Variants in ACOT9 observed in about 807,000 individuals in gnomAD.
ACOT9 encodes acyl-CoA thioesterase 9, also known as acyl-coenzyme A thioesterase 9, mitochondrial.
ACOT9 carries 34 observed loss-of-function variants against 39.7 expected under a neutral mutation model. The observed-to-expected ratio is 0.86, with a 90% CI of 0.65 to 1.14. The LOEUF is 1.14. Among genes scored for constraint, ACOT9 ranks in the 50% most tolerant of loss-of-function variants. The pLI, the probability that ACOT9 is intolerant of heterozygous loss-of-function variation, is 0.00. For synonymous variants in ACOT9, 110 were observed against 120.5 expected (o/e 0.91, Z 0.57); for missense variants, 313 against 344.1 (o/e 0.91, Z 0.71).
chrX:23,725,225 C>G (rs1929467094), intron 6 of ACOT9, among the ~76,000 whole-genome samples: 1 of 110,514 alleles, frequency 9.0e-6, no homozygotes, highest in African/African-American at 3.3e-5. Flanking sequence ...AATCCCAGCA[C>G]TTTGGGAGGC....
At chrX:23,722,959 T>G (rs375804082) in intron 6 of ACOT9, among the ~76,000 whole-genome samples, 18 of 111,232 alleles carry the variant, frequency 1.6e-4, no homozygotes, top group Non-Finnish European at 2.8e-4. Context: ...CCCCCTCAAT[T>G]TTAAGATTTG....
chrX:23,716,580 A>G (rs1252447187), intron 8 of ACOT9, among the ~76,000 whole-genome samples: 5 of 112,265 alleles, frequency 4.5e-5, no homozygotes, highest in Non-Finnish European at 9.4e-5. Context: ...CTTGAAGGCC[A>G]GTGGTGAGCA....
chrX:23,716,212 G>C, intron 8 of ACOT9, among the ~76,000 whole-genome samples: 1 of 111,999 alleles, frequency 8.9e-6, no homozygotes, highest in East Asian at 2.8e-4. Flanking sequence ...TACAGAGCCA[G>C]AGCACGAGAA....
At chrX:23,716,747 C>T (rs1276652376) in intron 8 of ACOT9, among the ~76,000 whole-genome samples, 2 of 111,347 alleles carry the variant, frequency 1.8e-5, no homozygotes, top group East Asian at 2.8e-4. Context: ...AGTACAGTGG[C>T]GCAATCTCGG....
chrX:23,710,620 G>A (rs747201812), intron 9 of ACOT9, among the ~76,000 whole-genome samples: 4 of 111,839 alleles, frequency 3.6e-5, no homozygotes, highest in East Asian at 5.6e-4. Context: ...TTGGGAGGCC[G>A]AGGTGAGAGG....
At chrX:23,705,743 C>T (rs779480168) in intron 12 of ACOT9, 25 bp downstream of exon 12, 7 of 1,176,931 alleles carry the variant, frequency 5.9e-6, no homozygotes, top group Non-Finnish European at 8.1e-6. Context: ...CTATCCTATT[C>T]GGATTTCTCA....
chrX:23,702,749 T>C lies in ACOT9; in HGVS notation c.*1145A>G, dbSNP rs1340009466. 2 of 111,708 alleles carry C rather than the reference T, an allele frequency of 1.8e-5. No homozygotes were observed. Among genetic ancestry groups the C allele is most frequent in the African/African-American group, 6.5e-5 (2 of 30,773 alleles). 9.2% of individuals were successfully genotyped at this position (111,708 alleles called of 1,213,427 possible). A position where few individuals can be genotyped will look rare whatever the true frequency, so the allele number is the denominator to read the frequency against. On this transcript the variant is annotated 3_prime_UTR_variant, in exon 16 of 16. Transcript: ENST00000379303. ...CCTCCAGGAAGTTACTTAAACTCTCTGTGCTTCAGTTTCCCGAGTGGCCTA... is the reference window on the plus strand; with the variant it reads ...CCTCCAGGAAGTTACTTAAACTCTCCGTGCTTCAGTTTCCCGAGTGGCCTA...
intron 9 of ACOT9, among the ~76,000 whole-genome samples, chrX:23,708,932 G>A (rs1321738769): frequency 8.9e-6 from 1 of 112,049 alleles, no homozygotes; most frequent in Non-Finnish European, 1.9e-5. Context: ...GAGGGTAAGA[G>A]AATTACGCAA....
chrX:23,739,168 G>A lies in ACOT9; in HGVS notation c.21-3152C>T, dbSNP rs376870282. Among the ~76,000 whole-genome samples, 32 of 111,159 alleles carry A rather than the reference G, an allele frequency of 2.9e-4. No homozygotes were observed. The East Asian group carries it at 7.4e-3, about 26-fold the overall frequency. On this transcript the variant is annotated intron_variant, in intron 1 of 15. Transcript: ENST00000379303. ...AGCTACTCGGGAGTCTGAGGCAGGA[G>A]TATTGCTTCAACCCAGGAGGCGGAA... is the stretch of plus-strand genomic sequence containing the variant.
intron 1 of ACOT9, among the ~76,000 whole-genome samples, chrX:23,738,014 G>A (rs900571382): frequency 1.9e-5 from 2 of 106,148 alleles, no homozygotes; most frequent in African/African-American, 3.5e-5. Flanking sequence ...GACTACAGGC[G>A]CCGCCACCGC....
At chrX:23,716,379 C>T (rs1417982366) in intron 8 of ACOT9, among the ~76,000 whole-genome samples, 1 of 112,154 alleles carries the variant, frequency 8.9e-6, no homozygotes, top group Non-Finnish European at 1.9e-5. Context: ...TCAATACTTA[C>T]AGGTTGAACA....
chrX:23,719,993 C>T (rs943121784), intron 8 of ACOT9, among the ~76,000 whole-genome samples: 1 of 103,641 alleles, frequency 9.6e-6, no homozygotes, highest in Non-Finnish European at 2.1e-5. Flanking sequence ...CGCCACCACG[C>T]CCGGCTAATT....
chrX:23,704,604 G>A (rs1379301801), intron 15 of ACOT9, 90 bp downstream of exon 15: 1 of 981,764 alleles, frequency 1.0e-6, no homozygotes, highest in Non-Finnish European at 1.4e-6. Flanking sequence ...TGTGCTGACA[G>A]GCATCAATAC....
chrX:23,734,080 G>A (rs1244767333), intron 3 of ACOT9, among the ~76,000 whole-genome samples: 1 of 111,842 alleles, frequency 8.9e-6, no homozygotes, highest in Admixed American at 9.6e-5. Context: ...CTTCTTATAC[G>A]CAGTAATAGA....
intron 8 of ACOT9, among the ~76,000 whole-genome samples, chrX:23,717,241 C>T (rs749314201): frequency 1.2e-4 from 13 of 110,741 alleles, no homozygotes; most frequent in East Asian, 2.8e-4. Flanking sequence ...CCACCTGCCT[C>T]GGCCTCCCAA....
At chrX:23,716,699 T>C (rs1313178888) in intron 8 of ACOT9, among the ~76,000 whole-genome samples, 2 of 111,493 alleles carry the variant, frequency 1.8e-5, no homozygotes, top group African/African-American at 6.5e-5. Flanking sequence ...GTTTTGTTTT[T>C]TGTTTGAGAT....
rs745841905 is a variant in ACOT9 at position 23,705,808 on chromosome X, T to C, written c.893A>G (p.Glu298Gly). 42 of 1,210,080 alleles carry C rather than the reference T, an allele frequency of 3.5e-5. No homozygotes were observed. The highest frequency in any genetic ancestry group is 4.5e-5 in the Non-Finnish European group (40 of 894,844). The stretch of plus-strand genomic sequence containing the variant: ...TTCCAAACTCTTCAGTTTTGAATTC[T>C]CCATCCACACTGCATTAGAGGGTAA... The part of the protein sequence containing the change: ...RVLPSNAVWM[E>G]NSKLKSLEIC... The change falls in exon 12 of 16, where the codon GAG (glutamate) becomes GGG (glycine). Residue 298 changes from glutamate (E) to glycine (G), a missense_variant. Glu to Gly is a moderately conservative substitution (Grantham distance 98). Transcript: ENST00000379303.
chrX:23,707,064 AGGC>A (rs754990018), intron 10 of ACOT9: 1 of 145,325 alleles, frequency 6.9e-6, no homozygotes. Flanking sequence ...TGGGAGGCGG[AGGC>A]AGGAGGATTG....
chrX:23,709,100 G>T lies in ACOT9; in HGVS notation c.663-1156C>A, dbSNP rs148315075. The stretch of plus-strand genomic sequence containing the variant: ...TGATGAAACAACAATGGAAACAAAA[G>T]AATTAAAACAGGCCGGGGGCAGTGG... On this transcript the variant is annotated intron_variant, in intron 9 of 15. Transcript: ENST00000379303. 4.9e-3 allele frequency among the ~76,000 whole-genome samples: 549 copies of T among 112,000 alleles called. 2 individuals carry two copies. Among genetic ancestry groups the T allele is most frequent in the African/African-American group, 0.016 (510 of 30,933 alleles).
Sources: gnomAD v4.1 joint callset for allele counts (sites outside exome capture counted in the v4.1 genomes callset) on GRCh38, gnomAD v4.1.1 for gene constraint, MANE v1.5 for transcripts, NCBI Gene and HGNC (gene_info 2026-07-23, HGNC 2026-07-21) for gene names.